WDR1: variants seen among roughly 807,000 people sequenced by gnomAD.
WDR1 encodes the protein WD repeat domain 1, also known as WD repeat-containing protein 1.
A neutral mutation model predicts 71.9 loss-of-function variants in WDR1; 21 were observed. That is an observed-to-expected ratio of 0.29 (90% confidence interval 0.21 to 0.42). The LOEUF (loss-of-function observed/expected upper bound fraction) is 0.42. WDR1 is among the 10% of genes least tolerant of loss of function. The pLI, the probability that WDR1 is intolerant of heterozygous loss-of-function variation, is 1.00. For synonymous variants in WDR1, 424 were observed against 347.4 expected (o/e 1.22, Z -2.45); for missense variants, 696 against 824.5 (o/e 0.84, Z 1.91).
intron 5 of WDR1, among the ~76,000 whole-genome samples, chr4:10,095,544 A>G (rs1268727178): frequency 1.3e-5 from 2 of 152,120 alleles, no homozygotes; most frequent in African/African-American, 4.8e-5. Context: ...GGGGTTGGTC[A>G]TGGAGAGCAC....
intron 6 of WDR1, 69 bp downstream of exon 6, chr4:10,088,595 C>A (rs537373336): frequency 2.2e-6 from 3 of 1,376,358 alleles, no homozygotes; most frequent in African/African-American, 1.4e-5. Flanking sequence ...AGGCAGCCTG[C>A]GGCTCTGAGC....
In WDR1 at chr4:10,075,509, C is replaced by T. The variant is rs114370216; in HGVS notation, c.1715-25G>A. 9.9e-5 allele frequency: 159 copies of T among 1,608,826 alleles called. 1 individual carries two copies. In the South Asian group the frequency reaches 1.5e-3, roughly 15 times the overall value. On this transcript the variant is annotated intron_variant, in intron 14 of 14. Transcript: ENST00000499869. The stretch of plus-strand genomic sequence containing the variant: ...TCTGGGAAGAAAGGGTGCAATTTAA[C>T]GAAAAGCCAAACTTCTCTGCAACTA...
chr4:10,109,060 G>A (rs1235243893), intron 2 of WDR1, among the ~76,000 whole-genome samples: 1 of 152,250 alleles, frequency 6.6e-6, no homozygotes, highest in Non-Finnish European at 1.5e-5. Context: ...ATCCCCACCG[G>A]CCACTTACTA....
rs140346523 is a variant in WDR1 at position 10,085,047 on chromosome 4, G to A, written c.952-517C>T. On this transcript the variant is annotated intron_variant, in intron 8 of 14. Transcript: ENST00000499869. Reference sequence around the variant, plus strand: ...TCACTGTAAAAGCCCAAGGCTGTCCGTGAACGCTGACGCTCCTACCCTAAC... The same window carrying A: ...TCACTGTAAAAGCCCAAGGCTGTCCATGAACGCTGACGCTCCTACCCTAAC... Among the ~76,000 whole-genome samples the A allele has an allele frequency of 7.0e-3, 1,063 of 152,330 alleles. 3 individuals are homozygous for A. Among genetic ancestry groups the A allele is most frequent in the South Asian group, 0.034 (162 of 4,834 alleles).
At chr4:10,100,949 G>A (rs1338178317) in intron 3 of WDR1, among the ~76,000 whole-genome samples, 1 of 152,232 alleles carries the variant, frequency 6.6e-6, no homozygotes. Flanking sequence ...CAGGGCCCAT[G>A]CTGCCCCATG....
chr4:10,105,065 C>A (rs1185190144), intron 2 of WDR1, among the ~76,000 whole-genome samples: 2 of 152,202 alleles, frequency 1.3e-5, no homozygotes, highest in African/African-American at 4.8e-5. Context: ...TGTGTGTAGT[C>A]TGTGCCCTTG....
intron 9 of WDR1, chr4:10,083,643 C>T (rs781719175): frequency 2.1e-6 from 1 of 482,604 alleles, no homozygotes; most frequent in African/African-American, 2.0e-5. Context: ...CAGTCTCCAA[C>T]ACAGCACGGT....
chr4:10,099,160 GGGAGGGGGGGAGGCGGTGGT>G, intron 3 of WDR1, 21 bp from the exon 4 acceptor site: 2 of 1,429,048 alleles, frequency 1.4e-6, no homozygotes, highest in Admixed American at 1.8e-5. Flanking sequence ...CAGCGGGCGG[GGGAGGGGGGGAGGCGGTGGT>G]GGGGTAAAGG....
chr4:10,109,208 C>A (rs1001609074), intron 2 of WDR1, among the ~76,000 whole-genome samples: 1 of 152,264 alleles, frequency 6.6e-6, no homozygotes, highest in African/African-American at 2.4e-5. Flanking sequence ...ACGCCCCAGG[C>A]CACCCAGCTG....
At chr4:10,085,162 T>G (rs933898094) in intron 8 of WDR1, among the ~76,000 whole-genome samples, 10 of 152,226 alleles carry the variant, frequency 6.6e-5, no homozygotes, top group African/African-American at 2.4e-5. Flanking sequence ...CCTCCATATC[T>G]GAGCCTGAGA....
At chr4:10,087,558 C>A (rs1711664221) in intron 8 of WDR1, 149 bp downstream of exon 8, 10 of 742,698 alleles carry the variant, frequency 1.3e-5, no homozygotes, top group Admixed American at 1.2e-4. Flanking sequence ...AGCATCCCAG[C>A]CTTCCACCAA....
intron 5 of WDR1, among the ~76,000 whole-genome samples, chr4:10,095,217 C>T (rs1409960560): frequency 4.6e-5 from 7 of 152,222 alleles, no homozygotes; most frequent in South Asian, 2.1e-4. Context: ...CAGACTCAGC[C>T]GTCATGTGCT....
chr4:10,115,274 G>A (rs769434977), intron 2 of WDR1, among the ~76,000 whole-genome samples: 113 of 152,324 alleles, frequency 7.4e-4, no homozygotes, highest in African/African-American at 2.6e-3. Flanking sequence ...AGGAAGGGAG[G>A]GAGACTGACA....
chr4:10,096,645 C>T (rs1011830423), intron 5 of WDR1: 1 of 152,286 alleles, frequency 6.6e-6, no homozygotes, highest in African/African-American at 2.4e-5. Flanking sequence ...TTGTGGGTCC[C>T]GTCCTCGCCC....
chr4:10,103,874 G>T, intron 3 of WDR1, 22 bp downstream of exon 3: 1 of 1,393,218 alleles, frequency 7.2e-7, no homozygotes, highest in Non-Finnish European at 9.6e-7. Flanking sequence ...AGGTGTCCAC[G>T]AGCCTTGCCC....
intron 3 of WDR1, among the ~76,000 whole-genome samples, chr4:10,103,321 C>T (rs960245101): frequency 6.8e-6 from 1 of 147,648 alleles, no homozygotes; most frequent in Non-Finnish European, 1.5e-5. Flanking sequence ...CACACACACA[C>T]ACGGCCCACA....
intron 1 of WDR1, 139 bp downstream of exon 1, chr4:10,116,512 C>A (rs879346987): frequency 4.3e-6 from 3 of 694,706 alleles, no homozygotes; most frequent in Admixed American, 5.8e-5. Context: ...CGAGGGCGGC[C>A]CCGCCACGCC....
In WDR1 at chr4:10,116,167, C is replaced by T. The variant is rs374784065; in HGVS notation, c.84G>A (p.Lys28=). 2.7e-5 allele frequency: 43 copies of T among 1,613,540 alleles called. No homozygotes were observed. Among genetic ancestry groups the T allele is most frequent in the Admixed American group, 6.7e-5 (4 of 59,974 alleles). ...GVSKIIGGDP[K]GNNFLYTNGK... Reference sequence around the variant, plus strand: ...CATTGGTGTACAGAAAATTGTTGCCCTTAGGGTCGCCGCCGATGATCTTGG... The same window carrying T: ...CATTGGTGTACAGAAAATTGTTGCCTTTAGGGTCGCCGCCGATGATCTTGG... The change falls in exon 2 of 15, where the codon AAG becomes AAA. Residue 28 remains lysine (K), a synonymous_variant. Transcript: ENST00000499869.
At chr4:10,088,006 C>T in intron 7 of WDR1, 66 bp from the exon 8 acceptor site, 1 of 1,432,412 alleles carries the variant, frequency 7.0e-7, no homozygotes, top group Non-Finnish European at 9.4e-7. Context: ...CCCCAAAAAG[C>T]AGCTTGTCCA....
Sources: gnomAD v4.1 joint callset for allele counts (sites outside exome capture counted in the v4.1 genomes callset) on GRCh38, gnomAD v4.1.1 for gene constraint, MANE v1.5 for transcripts, NCBI Gene and HGNC (gene_info 2026-07-23, HGNC 2026-07-21) for gene names.